The following POLA2 variants were observed in gnomAD, a reference collection of about 807,000 sequenced individuals.
The protein encoded by POLA2 is DNA polymerase alpha 2, accessory subunit, also known as DNA polymerase alpha subunit B.
Under a neutral mutation model 82.8 loss-of-function variants are expected in POLA2, and 47 were observed. That is an observed-to-expected ratio of 0.57 (90% CI 0.45 to 0.72). The LOEUF (loss-of-function observed/expected upper bound fraction) is 0.72. Ranked by LOEUF, POLA2 falls within the 30% of genes least tolerant of loss-of-function variation. The pLI, the probability that POLA2 is intolerant of heterozygous loss-of-function variation, is 0.00. For synonymous variants in POLA2, 287 were observed against 286.8 expected (o/e 1.00, Z -0.01); for missense variants, 634 against 728.1 (o/e 0.87, Z 1.49).
At chr11:65,284,259 G>A (rs1949671484) in intron 10 of POLA2, among the ~76,000 whole-genome samples, 1 of 152,140 alleles carries the variant, frequency 6.6e-6, no homozygotes, top group Non-Finnish European at 1.5e-5. Flanking sequence ...AGAATTGCTT[G>A]AGCCCAGTTT....
chr11:65,294,575 C>A lies in POLA2; in HGVS notation c.1383C>A (p.Ser461Arg). ...TACAGTTTGTGTCCGAGCCCTGCAG[C>A]CTCTCCATAAACGGAGTGATCTTCG... Reference protein sequence around the residue: ...KQVQFVSEPCSLSINGVIFGL... With the variant: ...KQVQFVSEPCRLSINGVIFGL... Residue 461 changes from serine (S) to arginine (R), a missense_variant, in exon 15 of 18, where the codon AGC becomes AGA. Coordinates refer to ENST00000265465, the MANE Select transcript of POLA2 (RefSeq NM_002689.4). 6.2e-7 allele frequency: 1 copy of A among 1,613,876 alleles called. No homozygotes were observed. The highest frequency in any genetic ancestry group is 8.5e-7 in the Non-Finnish European group (1 of 1,179,800).
rs559756908 is a variant in POLA2 at position 65,279,683 on chromosome 11, C to T, written c.744+57C>T. 4 of 1,148,156 alleles carry T rather than the reference C, an allele frequency of 3.5e-6. No homozygotes were observed. The South Asian group carries it at 5.2e-5, about 15-fold the overall frequency. 71.1% of individuals were successfully genotyped at this position (1,148,156 alleles called of 1,614,324 possible). The stretch of plus-strand genomic sequence containing the variant: ...AATATTACGTTTTTAAATCGATGAC[C>T]AAGAGGCATCCTTCTTGCTTCCTTT... On this transcript the variant is annotated intron_variant, in intron 7 of 17. Transcript: ENST00000265465.
intron 6 of POLA2, 144 bp downstream of exon 6, chr11:65,279,067 T>C: frequency 1.5e-6 from 1 of 666,578 alleles, no homozygotes; most frequent in East Asian, 2.7e-5. Context: ...ATGGAAGCCC[T>C]AGTAATGGAG....
intron 8 of POLA2, 66 bp downstream of exon 8, chr11:65,281,213 C>CATGGCACAGCA: frequency 4.0e-6 from 6 of 1,511,690 alleles, no homozygotes; most frequent in Non-Finnish European, 5.4e-6. Context: ...AGGTGCTGTG[C>CATGGCACAGCA]CATGCGCAGC....
chr11:65,267,876 C>G (rs1949478800), intron 3 of POLA2, among the ~76,000 whole-genome samples: 1 of 151,936 alleles, frequency 6.6e-6, no homozygotes, highest in Admixed American at 6.6e-5. Flanking sequence ...ACTGCAACCT[C>G]TGCCTCCCAA....
At chr11:65,283,421 A>T (rs1465221568) in intron 10 of POLA2, among the ~76,000 whole-genome samples, 1 of 152,158 alleles carries the variant, frequency 6.6e-6, no homozygotes, top group Non-Finnish European at 1.5e-5. Flanking sequence ...TACTATCTTC[A>T]TAACTTCTCT....
intron 1 of POLA2, among the ~76,000 whole-genome samples, chr11:65,263,440 T>A (rs1375260147): frequency 1.3e-5 from 2 of 152,092 alleles, no homozygotes; most frequent in Non-Finnish European, 2.9e-5. Flanking sequence ...GCCAGACTGC[T>A]CTCGAACTCC....
chr11:65,268,782 T>C (rs1409967784), intron 4 of POLA2, 53 bp downstream of exon 4: 2 of 1,181,522 alleles, frequency 1.7e-6, no homozygotes, highest in East Asian at 2.6e-5. Context: ...TTTAAAATAG[T>C]TTCACAACAT....
chr11:65,297,154 G>A lies in POLA2; in HGVS notation c.1682G>A (p.Arg561His), dbSNP rs777086387. ...VLGCVCVNPG[R>H]LTKGQVGGTF... Reference sequence around the variant, plus strand: ...GGCTGTGTCTGTGTGAACCCTGGGCGCCTTACCAAAGGGCAGGTGGGAGGC... The same window carrying A: ...GGCTGTGTCTGTGTGAACCCTGGGCACCTTACCAAAGGGCAGGTGGGAGGC... The change falls in exon 18 of 18, where the codon CGC becomes CAC. Residue 561 changes from arginine to histidine, a missense_variant. Physicochemically the swap from Arg to His is conservative, Grantham distance 29 (BLOSUM62 0). Transcript: ENST00000265465. 2.2e-5 allele frequency: 35 copies of A among 1,613,934 alleles called. No homozygotes were observed. The East Asian group carries it at 2.2e-4, about 10-fold the overall frequency.
chr11:65,294,932 T>C (rs2137593371), intron 15 of POLA2, among the ~76,000 whole-genome samples: 1 of 152,292 alleles, frequency 6.6e-6, no homozygotes, highest in East Asian at 1.9e-4. Flanking sequence ...TCATCTACAT[T>C]TTCTTTTCTG....
At chr11:65,303,378 T>C (rs1180241707), downstream of POLA2, among the ~76,000 whole-genome samples, 4 of 146,316 alleles carry the variant, frequency 2.7e-5, no homozygotes, top group Non-Finnish European at 4.5e-5. Flanking sequence ...AAGGTGGGGA[T>C]GGGCACAGTG....
Position 65,262,361 on chromosome 11 carries a change from A to G in POLA2, c.69A>G (p.Leu23=), listed in dbSNP as rs377753893. ...TCGGCCTAGACTGCGAGGAGGCTCT[A>G]ATTGAGAAATGTGAGTCCCGCACCC... The part of the protein sequence containing the change: ...QIFGLDCEEA[L]IEKLVELCVQ... Residue 23 remains leucine (L), a synonymous_variant, in exon 1 of 18, where the codon CTA becomes CTG. Coordinates refer to ENST00000265465, the MANE Select transcript of POLA2 (RefSeq NM_002689.4). 22 of 1,613,092 alleles carry G rather than the reference A, an allele frequency of 1.4e-5. No individual in the cohort carries two copies. In the African/African-American group the frequency reaches 2.1e-4, roughly 16 times the overall value.
chr11:65,278,752 A>C lies in POLA2; in HGVS notation c.484A>C (p.Asn162His). The change falls in exon 6 of 18, where the codon AAC (asparagine) becomes CAC (histidine). Residue 162 changes from asparagine to histidine, a missense_variant. Asn to His is a moderately conservative substitution (Grantham distance 68). Transcript: ENST00000265465. ...SPSATPSQKYNSRSNRGEVVT... is the reference protein window; with the variant it reads ...SPSATPSQKYHSRSNRGEVVT... ...TAGTGCTACTCCCTCCCAGAAATAC[A>C]ACTCACGAAGTAACCGAGGAGAAGT... 1 of 1,613,560 alleles carries C rather than the reference A, an allele frequency of 6.2e-7. No individual in the cohort carries two copies. Among genetic ancestry groups the C allele is most frequent in the Non-Finnish European group, 8.5e-7 (1 of 1,179,862 alleles).
chr11:65,275,303 G>T lies in POLA2; in HGVS notation c.355-589G>T, dbSNP rs190959349. Among the ~76,000 whole-genome samples, 546 of 151,040 alleles carry T rather than the reference G, an allele frequency of 3.6e-3. 2 individuals are homozygous for T. Among genetic ancestry groups the T allele is most frequent in the Non-Finnish European group, 5.6e-3 (378 of 67,902 alleles). ...TTATCCTAGACTTTAGGGAGCAATAGGTCTCTGGACTGTAGGTTTCAGCCT... is the reference window on the plus strand; with the variant it reads ...TTATCCTAGACTTTAGGGAGCAATATGTCTCTGGACTGTAGGTTTCAGCCT... On this transcript the variant is annotated intron_variant, in intron 4 of 17. Transcript: ENST00000265465.
chr11:65,287,471 C>T (rs1450221263), intron 10 of POLA2: 1 of 339,076 alleles, frequency 2.9e-6, no homozygotes, highest in East Asian at 5.3e-5. Context: ...CTTTCATGTG[C>T]ACAGCTCATA....
chr11:65,272,749 C>T (rs1302057507), intron 4 of POLA2, among the ~76,000 whole-genome samples: 3 of 152,124 alleles, frequency 2.0e-5, no homozygotes, highest in Non-Finnish European at 4.4e-5. Flanking sequence ...CGGTGGCTCA[C>T]GCCTGTAATC....
At chr11:65,283,305 G>C (rs75860666) in intron 10 of POLA2, among the ~76,000 whole-genome samples, 1,560 of 152,138 alleles carry the variant, frequency 0.01, 29 homozygotes, top group African/African-American at 0.036. Context: ...CAGGAATTTA[G>C]TTAACAGCGA....
At position 65,275,819 on chromosome 11, in the gene POLA2, T is replaced by C. The variant is rs898580250; in HGVS notation, c.355-73T>C. The C allele has an allele frequency of 5.1e-6, 4 of 781,986 alleles. No homozygotes were observed. The African/African-American group carries it at 7.2e-5, about 14-fold the overall frequency. 48.4% of individuals were successfully genotyped at this position (781,986 alleles called of 1,614,324 possible). A position where few individuals can be genotyped will look rare whatever the true frequency, so the allele number is the denominator to read the frequency against. Reference sequence around the variant, plus strand: ...CGTTTGGACATGTTCTCCCTTTTCTTCCAAGGTACTATACACTTAATTAGT... The same window carrying C: ...CGTTTGGACATGTTCTCCCTTTTCTCCCAAGGTACTATACACTTAATTAGT... On this transcript the variant is annotated intron_variant, in intron 4 of 17. Transcript: ENST00000265465.
At chr11:65,262,412 G>A (rs547954190) in intron 1 of POLA2, 41 bp downstream of exon 1, 1 of 1,540,154 alleles carries the variant, frequency 6.5e-7, no homozygotes, top group African/African-American at 1.4e-5. Flanking sequence ...CGTGCTCCAC[G>A]CTCTCGCCCG....
Sources: gnomAD v4.1 joint callset for allele counts (sites outside exome capture counted in the v4.1 genomes callset) on GRCh38, gnomAD v4.1.1 for gene constraint, MANE v1.5 for transcripts, NCBI Gene and HGNC (gene_info 2026-07-23, HGNC 2026-07-21) for gene names.